The following CDH2 variants were observed in gnomAD, a reference collection of about 807,000 sequenced individuals.
CDH2 encodes the protein cadherin 2.
CDH2 carries 17 observed loss-of-function variants against 92.0 expected under a neutral mutation model. The ratio of observed to expected loss-of-function variants is 0.18; its 90% confidence interval spans 0.13 to 0.28. The LOEUF (loss-of-function observed/expected upper bound fraction) is 0.28, where lower values mean the gene tolerates loss of function less well. Ranked by LOEUF, CDH2 falls within the 10% of genes least tolerant of loss-of-function variation. CDH2 has a pLI of 1.00. For synonymous variants in CDH2, 419 were observed against 415.9 expected (o/e 1.01, Z -0.09); for missense variants, 862 against 1,133.1 (o/e 0.76, Z 3.44).
intron 2 of CDH2, among the ~76,000 whole-genome samples, chr18:28,127,035 C>A (rs985075890): frequency 3.9e-5 from 6 of 152,154 alleles, no homozygotes; most frequent in African/African-American, 1.4e-4. Flanking sequence ...GGCAGGTGGA[C>A]TTCCTCCTCA....
intron 1 of CDH2, among the ~76,000 whole-genome samples, chr18:28,166,097 T>A (rs2016375697): frequency 7.0e-6 from 1 of 142,560 alleles, no homozygotes; most frequent in Non-Finnish European, 1.5e-5. Flanking sequence ...GGTGGACAGG[T>A]CTCAATTTAT....
chr18:28,072,161 T>G (rs115058380), intron 2 of CDH2, among the ~76,000 whole-genome samples: 193 of 152,238 alleles, frequency 1.3e-3, no homozygotes, highest in African/African-American at 4.3e-3. Context: ...CTCTCCCATT[T>G]TCGTGCGTTT....
intron 2 of CDH2, among the ~76,000 whole-genome samples, chr18:28,024,045 A>C (rs2013483186): frequency 6.7e-6 from 1 of 150,148 alleles, no homozygotes; most frequent in Non-Finnish European, 1.5e-5. Flanking sequence ...ATAGTGCTGT[A>C]TATAATCTCA....
At chr18:27,992,490 A>G (rs1468281099) in intron 9 of CDH2, among the ~76,000 whole-genome samples, 165 bp downstream of exon 9, 1 of 152,194 alleles carries the variant, frequency 6.6e-6, no homozygotes, top group Non-Finnish European at 1.5e-5. Flanking sequence ...CCTCAGCATA[A>G]ATTAAACAGT....
At chr18:28,120,843 G>A (rs2015576165) in intron 2 of CDH2, among the ~76,000 whole-genome samples, 1 of 152,114 alleles carries the variant, frequency 6.6e-6, no homozygotes, top group South Asian at 2.1e-4. Flanking sequence ...GTTGTTTGTT[G>A]TTGTTTTTAT....
At chr18:28,162,578 G>A (rs934145395) in intron 1 of CDH2, among the ~76,000 whole-genome samples, 2 of 151,906 alleles carry the variant, frequency 1.3e-5, no homozygotes, top group Admixed American at 6.6e-5. Context: ...TTCTTAAGCC[G>A]AGTTTGCTCC....
chr18:28,044,778 CA>C (rs10709800), intron 2 of CDH2, among the ~76,000 whole-genome samples: 80,967 of 148,138 alleles, frequency 0.55, 22,446 homozygotes, highest in African/African-American at 0.69. Context: ...AGTTACTTGT[CA>C]AAAAAAAAAT....
At chr18:28,165,974 C>T (rs2016372536) in intron 1 of CDH2, among the ~76,000 whole-genome samples, 1 of 151,210 alleles carries the variant, frequency 6.6e-6, no homozygotes, top group Admixed American at 6.6e-5. Context: ...AGACCTCTTT[C>T]CACAAAACAC....
intron 3 of CDH2, among the ~76,000 whole-genome samples, 193 bp downstream of exon 3, chr18:28,013,490 T>C (rs1432718709): frequency 1.3e-5 from 2 of 152,184 alleles, no homozygotes; most frequent in Non-Finnish European, 1.5e-5. Context: ...CAATTTCTAG[T>C]TGCTTAAAAT....
At chr18:28,096,668 A>G (rs2015140328) in intron 2 of CDH2, among the ~76,000 whole-genome samples, 1 of 152,238 alleles carries the variant, frequency 6.6e-6, no homozygotes, top group Non-Finnish European at 1.5e-5. Flanking sequence ...AAATCAGGGA[A>G]GAATGTTAAC....
intron 2 of CDH2, among the ~76,000 whole-genome samples, chr18:28,090,193 T>C (rs952721533): frequency 6.6e-6 from 1 of 152,206 alleles, no homozygotes; most frequent in Admixed American, 6.5e-5. Flanking sequence ...GTAATTGTTC[T>C]TTTTTGCATC....
intron 2 of CDH2, among the ~76,000 whole-genome samples, chr18:28,141,745 A>T (rs1034027915): frequency 6.6e-6 from 1 of 152,112 alleles, no homozygotes; most frequent in African/African-American, 2.4e-5. Context: ...CTTCCAATAG[A>T]TCATTAGCTC....
In CDH2 at chr18:28,170,144, G is replaced by A. The variant is rs142067370; in HGVS notation, c.60+6819C>T. Among the ~76,000 whole-genome samples the A allele has an allele frequency of 4.2e-3, 638 of 152,226 alleles. 4 individuals are homozygous for A. Among genetic ancestry groups the A allele is most frequent in the African/African-American group, 0.015 (606 of 41,516 alleles). On this transcript the variant is annotated intron_variant, in intron 1 of 15. Transcript: ENST00000269141. ...CATTAATTCAGCCAATCTTCCTTTG[G>A]ATCTACTTATAGCTCAGGCTGCTAT...
downstream of CDH2, among the ~76,000 whole-genome samples, chr18:27,949,389 A>G (rs1268733319): frequency 6.6e-6 from 1 of 152,036 alleles, no homozygotes; most frequent in Non-Finnish European, 1.5e-5. Flanking sequence ...TCCCATGCAA[A>G]GAGACATGCA....
At chr18:28,151,878 G>A (rs1037957939) in intron 1 of CDH2, among the ~76,000 whole-genome samples, 28 of 152,162 alleles carry the variant, frequency 1.8e-4, no homozygotes, top group African/African-American at 6.3e-4. Context: ...TACTCAATCT[G>A]CTGCTGTTGT....
chr18:28,024,014 T>C lies in CDH2; in HGVS notation c.173-10105A>G, dbSNP rs774418076. On this transcript the variant is annotated intron_variant, in intron 2 of 15. Coordinates refer to ENST00000269141, the MANE Select transcript of CDH2 (RefSeq NM_001792.5). ...ATTATATGTGAAACCTTGTAAAAGATGGCTTTTAAAACTTGATCATATAGT... is the reference window on the plus strand; with the variant it reads ...ATTATATGTGAAACCTTGTAAAAGACGGCTTTTAAAACTTGATCATATAGT... Among the ~76,000 whole-genome samples, 3 of 152,166 alleles carry C rather than the reference T, an allele frequency of 2.0e-5. No homozygotes were observed. In the South Asian group the frequency reaches 6.2e-4, roughly 31 times the overall value.
At chr18:28,117,295 A>G (rs1468631472) in intron 2 of CDH2, among the ~76,000 whole-genome samples, 1 of 152,142 alleles carries the variant, frequency 6.6e-6, no homozygotes, top group Admixed American at 6.5e-5. Flanking sequence ...TTGCAGGGGA[A>G]TATGGCTAAA....
intron 2 of CDH2, among the ~76,000 whole-genome samples, chr18:28,128,240 A>T (rs1318640747): frequency 2.0e-5 from 3 of 152,338 alleles, no homozygotes; most frequent in Non-Finnish European, 2.9e-5. Context: ...TTATGTTCTG[A>T]AAAACTTGTT....
At chr18:28,008,014 G>A (rs993568401) in intron 5 of CDH2, among the ~76,000 whole-genome samples, 2 of 152,172 alleles carry the variant, frequency 1.3e-5, no homozygotes, top group Admixed American at 6.5e-5. Context: ...GATTCCGGGC[G>A]TGAGCCACCA....
Sources: allele counts gnomAD v4.1 joint callset (sites outside exome capture counted in the v4.1 genomes callset), GRCh38; gene constraint gnomAD v4.1.1; transcripts MANE v1.5; gene names NCBI Gene and HGNC (gene_info 2026-07-23, HGNC 2026-07-21).